The following DHX34 variants were observed in gnomAD, a reference collection of about 807,000 sequenced individuals.
The protein encoded by DHX34 is probable ATP-dependent RNA helicase DHX34.
A neutral mutation model predicts 111.1 loss-of-function variants in DHX34; 96 were observed. The ratio of observed to expected loss-of-function variants is 0.86; its 90% CI spans 0.73 to 1.02. DHX34 has a LOEUF of 1.02. Among genes scored for constraint, DHX34 ranks in the 50% least tolerant of loss-of-function variants. DHX34 has a pLI of 0.00. For synonymous variants in DHX34, 688 were observed against 670.4 expected (o/e 1.03, Z -0.41); for missense variants, 1,560 against 1,579.9 (o/e 0.99, Z 0.21).
At position 47,355,204 on chromosome 19, in the gene DHX34, C is replaced by A; in HGVS notation, c.871C>A (p.Leu291Ile). 6.2e-7 allele frequency: 1 copy of A among 1,614,220 alleles called. No homozygotes were observed. Among genetic ancestry groups the A allele is most frequent in the Non-Finnish European group, 8.5e-7 (1 of 1,180,044 alleles). Residue 291 changes from leucine (L) to isoleucine (I), a missense_variant, in exon 3 of 17, where the codon CTC becomes ATC. By Grantham distance (5) the Leu-to-Ile change is conservative. Coordinates refer to ENST00000328771, the MANE Select transcript of DHX34 (RefSeq NM_014681.6). ...TGAGCGGCATCTCCACAACGATTTCCTCCTGGGCGTCCTCCAGCGCCTGTT... is the reference window on the plus strand; with the variant it reads ...TGAGCGGCATCTCCACAACGATTTCATCCTGGGCGTCCTCCAGCGCCTGTT... ...VHERHLHNDFLLGVLQRLLPT... is the reference protein window; with the variant it reads ...VHERHLHNDFILGVLQRLLPT...
At position 47,355,086 on chromosome 19, in the gene DHX34, G is replaced by T. The variant is rs139356591; in HGVS notation, c.753G>T (p.Lys251Asn). The T allele has an allele frequency of 7.1e-5, 115 of 1,613,924 alleles. 1 individual carries two copies. In the African/African-American group the frequency reaches 1.2e-3, roughly 16 times the overall value. The change falls in exon 3 of 17, where the codon AAG (lysine) becomes AAT (asparagine). Residue 251 changes from lysine to asparagine, a missense_variant. By Grantham distance (94) the Lys-to-Asn change is moderately conservative (BLOSUM62 0). Transcript: ENST00000328771. ...AGAGCACACGTTCGGCGGCCACCAA[G>T]ATTGTATTCCTGACAGTGGGGCTGC... ...RFESTRSAAT[K>N]IVFLTVGLLL...
At chr19:47,367,469 G>C (rs1051127464) in intron 7 of DHX34, among the ~76,000 whole-genome samples, 2 of 152,196 alleles carry the variant, frequency 1.3e-5, no homozygotes, top group Non-Finnish European at 1.5e-5. Flanking sequence ...TTGGGGAATG[G>C]GGAGTTGCAG....
rs754690579 is a variant in DHX34, at chr19:47,358,052, G to A, written c.1204G>A (p.Ala402Thr). 6 of 1,612,194 alleles carry A rather than the reference G, an allele frequency of 3.7e-6. No homozygotes were observed. Among genetic ancestry groups the A allele is most frequent in the Middle Eastern group, 1.6e-4 (1 of 6,070 alleles). Residue 402 changes from alanine to threonine, a missense_variant, in exon 4 of 17, where the codon GCC becomes ACC. Coordinates refer to ENST00000328771, the MANE Select transcript of DHX34 (RefSeq NM_014681.6). Reference sequence around the variant, plus strand: ...CGTGCTGGAGGCTGCCCAGACCTATGCCAGCCACACCCAGCGCTGGGTGGT... The same window carrying A: ...CGTGCTGGAGGCTGCCCAGACCTATACCAGCCACACCCAGCGCTGGGTGGT... ...SAVLEAAQTYASHTQRWVVLP... is the reference protein window; with the variant it reads ...SAVLEAAQTYTSHTQRWVVLP...
chr19:47,350,587 A>G (rs1314832934), intron 1 of DHX34, among the ~76,000 whole-genome samples: 7 of 151,686 alleles, frequency 4.6e-5, no homozygotes, highest in African/African-American at 1.7e-4. Flanking sequence ...ACCCTGGCTA[A>G]TTTTGTATTT....
Position 47,352,763 on chromosome 19 carries a change from C to A in DHX34, c.-268C>A. The A allele has an allele frequency of 2.0e-6, 1 of 496,994 alleles. No individual in the cohort carries two copies. The highest frequency in any genetic ancestry group is 3.5e-6 in the Non-Finnish European group (1 of 288,858). The allele number at this position is 496,994 out of a possible 1,614,324, so 30.8% of individuals were successfully genotyped here. A position where few individuals can be genotyped will look rare whatever the true frequency, so the allele number is the denominator to read the frequency against. On this transcript the variant is annotated 5_prime_UTR_variant, in exon 2 of 17. Transcript: ENST00000328771. The stretch of plus-strand genomic sequence containing the variant: ...TGTTCTCTCTCTTAAGAATCCAGGG[C>A]CTGAAAACCCAGAATGAACTTGTGT...
chr19:47,356,349 G>A (rs567674430), intron 3 of DHX34, among the ~76,000 whole-genome samples: 2 of 151,996 alleles, frequency 1.3e-5, no homozygotes, highest in East Asian at 1.9e-4. Context: ...AAGAAAGAAT[G>A]GGTCGGGCAC....
rs374179466 is a variant in DHX34, at chr19:47,373,743, G to A, written c.2064+43G>A. On this transcript the variant is annotated intron_variant, in intron 9 of 16. Transcript: ENST00000328771. ...GGGTAAGGCCGGCCCCACTCAGGCAGACGTGTGTAAGCACACTCCAGAACA... is the reference window on the plus strand; with the variant it reads ...GGGTAAGGCCGGCCCCACTCAGGCAAACGTGTGTAAGCACACTCCAGAACA... The A allele has an allele frequency of 1.1e-4, 178 of 1,595,326 alleles. No homozygotes were observed. The African/African-American group carries it at 2.1e-3, about 19-fold the overall frequency.
intron 3 of DHX34, among the ~76,000 whole-genome samples, chr19:47,356,182 A>G (rs1483954030): frequency 6.6e-6 from 1 of 152,080 alleles, no homozygotes; most frequent in Non-Finnish European, 1.5e-5. Context: ...ACATTGCCAT[A>G]TGTTCCCTCT....
chr19:47,370,137 A>G (rs1018776781), intron 7 of DHX34, among the ~76,000 whole-genome samples: 3 of 152,118 alleles, frequency 2.0e-5, no homozygotes, highest in Non-Finnish European at 4.4e-5. Flanking sequence ...TCTGGCTTGC[A>G]AGGCTGTTTC....
intron 12 of DHX34, chr19:47,376,806 T>A (rs753643480): frequency 3.8e-5 from 58 of 1,513,804 alleles, no homozygotes; most frequent in Non-Finnish European, 4.9e-5. Flanking sequence ...GCCCAGAGAG[T>A]GAGCACCGGT....
In DHX34 at chr19:47,358,105, G is replaced by A; in HGVS notation, c.1257G>A (p.Val419=). The part of the protein sequence containing the change: ...VVLPLHSALS[V]ADQDKVFDVA... Reference sequence around the variant, plus strand: ...TGCCACTGCACAGCGCCCTGTCTGTGGCCGACCAGGACAAGGTATCACAGG... The same window carrying A: ...TGCCACTGCACAGCGCCCTGTCTGTAGCCGACCAGGACAAGGTATCACAGG... The change falls in exon 4 of 17, where the codon GTG becomes GTA. Residue 419 remains valine, a synonymous_variant. Coordinates refer to ENST00000328771, the MANE Select transcript of DHX34 (RefSeq NM_014681.6). The A allele has an allele frequency of 6.2e-7, 1 of 1,608,218 alleles. No individual in the cohort carries two copies. The highest frequency in any genetic ancestry group is 8.5e-7 in the Non-Finnish European group (1 of 1,175,838).
intron 12 of DHX34, 31 bp downstream of exon 12, chr19:47,376,591 AT>A (rs1970170443): frequency 1.3e-6 from 2 of 1,546,396 alleles, no homozygotes; most frequent in Admixed American, 2.0e-5. Flanking sequence ...AGGAACCCCC[AT>A]CCGGGATGTG....
chr19:47,358,495 C>T (rs1420831873), intron 4 of DHX34, among the ~76,000 whole-genome samples: 6 of 150,126 alleles, frequency 4.0e-5, no homozygotes, highest in Middle Eastern at 3.4e-3. Flanking sequence ...GCTCTGTTGT[C>T]CAGGCTGGAG....
At chr19:47,372,389 A>T (rs113381165) in intron 7 of DHX34, among the ~76,000 whole-genome samples, 3,089 of 152,060 alleles carry the variant, frequency 0.02, 44 homozygotes, top group Middle Eastern at 0.041. Context: ...CAAGCCAGGG[A>T]AGCATCAGAG....
Position 47,379,843 on chromosome 19 carries a change from G to T in DHX34, c.2840G>T (p.Arg947Leu). ...IRLLAASLRL[R>L]ARWESALDRQ... is the part of the protein sequence containing the mutation. ...CTCCTGGCGGCTTCCCTGCGGCTCC[G>T]TGCCCGCTGGGAAAGTGCCCTGGAC... The change falls in exon 14 of 17, where the codon CGT becomes CTT. Residue 947 changes from arginine to leucine, a missense_variant. Arg to Leu is a moderately radical substitution (Grantham distance 102, BLOSUM62 -2). Transcript: ENST00000328771. 1 of 1,613,786 alleles carries T rather than the reference G, an allele frequency of 6.2e-7. No homozygotes were observed. The highest frequency in any genetic ancestry group is 8.5e-7 in the Non-Finnish European group (1 of 1,179,848).
intron 7 of DHX34, among the ~76,000 whole-genome samples, chr19:47,368,702 A>G (rs1969878009): frequency 6.7e-6 from 1 of 149,180 alleles, no homozygotes; most frequent in Admixed American, 6.7e-5. Context: ...ATATATACAC[A>G]CACATATATA....
chr19:47,361,439 CA>C (rs758001972), intron 5 of DHX34, among the ~76,000 whole-genome samples: 3 of 149,574 alleles, frequency 2.0e-5, no homozygotes, highest in Non-Finnish European at 4.4e-5. Context: ...GCCTGGGCAA[CA>C]GAGCGAGACC....
At chr19:47,380,673 G>A (rs1383820245) in intron 14 of DHX34, 143 bp from the exon 15 acceptor site, 8 of 1,470,176 alleles carry the variant, frequency 5.4e-6, no homozygotes, top group Admixed American at 2.5e-5. Flanking sequence ...ATGTGTGTCT[G>A]CAGCCAAATT....
rs148027678 is a variant in DHX34 at position 47,367,199 on chromosome 19, G to A, written c.1768+44G>A. On this transcript the variant is annotated intron_variant, in intron 7 of 16. Coordinates refer to ENST00000328771, the MANE Select transcript of DHX34 (RefSeq NM_014681.6). ...CCTGATCACTCAGGGCCCCAGGAGC[G>A]GGTATGGGCACAGCTCACTCTCTGA... 1.6e-3 allele frequency: 2,214 copies of A among 1,389,338 alleles called. 42 individuals carry two copies. The African/African-American group carries it at 0.029, about 18-fold the overall frequency. 86.1% of individuals were successfully genotyped at this position (1,389,338 alleles called of 1,614,324 possible). A position where few individuals can be genotyped will look rare whatever the true frequency, so the allele number is the denominator to read the frequency against.
Sources: allele counts gnomAD v4.1 joint callset (sites outside exome capture counted in the v4.1 genomes callset), GRCh38; gene constraint gnomAD v4.1.1; transcripts MANE v1.5; gene names NCBI Gene and HGNC (gene_info 2026-07-23, HGNC 2026-07-21).